SEMA3A: variants seen among roughly 807,000 people sequenced by gnomAD.
SEMA3A encodes semaphorin-3A.
SEMA3A carries 29 observed loss-of-function variants against 97.9 expected under a neutral mutation model. The observed-to-expected ratio is 0.30, with a 90% confidence interval of 0.22 to 0.40. SEMA3A has a LOEUF of 0.40. SEMA3A is among the 10% of genes least tolerant of loss of function. SEMA3A has a pLI of 1.00. For synonymous variants in SEMA3A, 321 were observed against 323.7 expected (o/e 0.99, Z 0.09); for missense variants, 763 against 951.3 (o/e 0.80, Z 2.60).
At chr7:84,049,238 T>C (rs1313332421) in intron 5 of SEMA3A, among the ~76,000 whole-genome samples, 2 of 152,062 alleles carry the variant, frequency 1.3e-5, no homozygotes, top group Admixed American at 6.6e-5. Context: ...GTTAGATGAT[T>C]TTATTGAACT....
intron 6 of SEMA3A, among the ~76,000 whole-genome samples, chr7:84,039,928 A>G (rs1792075125): frequency 6.6e-6 from 1 of 152,084 alleles, no homozygotes; most frequent in Admixed American, 6.6e-5. Context: ...TCATAAGTCA[A>G]CATTTCCCTC....
chr7:84,460,833 T>C (rs1380059112), intron 1 of SEMA3A, among the ~76,000 whole-genome samples: 1 of 152,192 alleles, frequency 6.6e-6, no homozygotes, highest in African/African-American at 2.4e-5. Flanking sequence ...GGGCTTCAGC[T>C]TCCTGGGTTC....
chr7:84,214,128 A>G (rs1798691710), intron 3 of SEMA3A, among the ~76,000 whole-genome samples: 1 of 152,232 alleles, frequency 6.6e-6, no homozygotes, highest in African/African-American at 2.4e-5. Flanking sequence ...ACATTGGACT[A>G]TGAATAGATA....
intron 3 of SEMA3A, among the ~76,000 whole-genome samples, chr7:84,283,224 C>A (rs1184741291): frequency 1.3e-5 from 2 of 151,976 alleles, no homozygotes; most frequent in Admixed American, 1.3e-4. Context: ...CAACATCATA[C>A]CATTCTAGAA....
intron 1 of SEMA3A, among the ~76,000 whole-genome samples, chr7:84,423,749 A>G (rs561068119): frequency 1.3e-5 from 2 of 152,148 alleles, no homozygotes; most frequent in African/African-American, 4.8e-5. Flanking sequence ...TTTGCCAACT[A>G]TACATCCAAC....
At chr7:84,378,688 C>T (rs1441512451) in intron 1 of SEMA3A, among the ~76,000 whole-genome samples, 2 of 151,790 alleles carry the variant, frequency 1.3e-5, no homozygotes, top group Non-Finnish European at 2.9e-5. Context: ...GCACATGTAT[C>T]CCAGAACTTA....
intron 2 of SEMA3A, among the ~76,000 whole-genome samples, chr7:84,339,691 T>C (rs181346413): frequency 2.2e-4 from 34 of 152,310 alleles, no homozygotes; most frequent in Non-Finnish European, 4.4e-4. Context: ...CAATTAACTA[T>C]AAGGGCAAAA....
At chr7:84,460,030 A>G (rs1287028181) in intron 1 of SEMA3A, among the ~76,000 whole-genome samples, 2 of 152,194 alleles carry the variant, frequency 1.3e-5, no homozygotes, top group Non-Finnish European at 2.9e-5. Context: ...TTGTCTCAAA[A>G]CAAGCAAACA....
intron 1 of SEMA3A, among the ~76,000 whole-genome samples, chr7:84,477,231 G>A (rs2116424477): frequency 6.6e-6 from 1 of 150,932 alleles, no homozygotes; most frequent in Admixed American, 6.6e-5. Context: ...AAGGTCAGGA[G>A]TTCAAGACCA....
intron 15 of SEMA3A, among the ~76,000 whole-genome samples, chr7:83,972,734 G>C (rs1209279509): frequency 6.6e-6 from 1 of 152,072 alleles, no homozygotes; most frequent in East Asian, 1.9e-4. Context: ...TAAATTGTAG[G>C]TGTATGAACA....
intron 3 of SEMA3A, among the ~76,000 whole-genome samples, chr7:84,209,594 A>T (rs879672315): frequency 6.6e-6 from 1 of 152,172 alleles, no homozygotes; most frequent in Non-Finnish European, 1.5e-5. Flanking sequence ...CTTCAAAACC[A>T]TAGTATAAAA....
intron 5 of SEMA3A, among the ~76,000 whole-genome samples, chr7:84,050,088 C>A (rs543083327): frequency 1.3e-4 from 19 of 151,410 alleles, no homozygotes; most frequent in South Asian, 4.2e-4. Flanking sequence ...TGTATATGTG[C>A]CACATTTTCT....
At chr7:84,379,676 C>T (rs187368201) in intron 1 of SEMA3A, among the ~76,000 whole-genome samples, 47 of 151,804 alleles carry the variant, frequency 3.1e-4, no homozygotes, top group African/African-American at 1.1e-3. Flanking sequence ...AATGACAAGA[C>T]TGAAGCTGGG....
intron 3 of SEMA3A, among the ~76,000 whole-genome samples, chr7:84,237,352 G>A (rs1433669185): frequency 1.3e-5 from 2 of 152,058 alleles, no homozygotes; most frequent in African/African-American, 4.8e-5. Flanking sequence ...GCCACTCATT[G>A]TCTTACTCAA....
At chr7:83,989,278 G>C (rs1250520583) in intron 12 of SEMA3A, among the ~76,000 whole-genome samples, 1 of 151,976 alleles carries the variant, frequency 6.6e-6, no homozygotes, top group African/African-American at 2.4e-5. Context: ...TACATTTCAT[G>C]TTCCTTAATA....
intron 1 of SEMA3A, among the ~76,000 whole-genome samples, chr7:84,418,978 T>C (rs1347274083): frequency 6.6e-6 from 1 of 152,036 alleles, no homozygotes; most frequent in Non-Finnish European, 1.5e-5. Flanking sequence ...TACATATATA[T>C]ACATACATAC....
In SEMA3A at chr7:84,001,998, T is replaced by A; in HGVS notation, c.1409A>T (p.Tyr470Phe). ...TTCCAGCAGAACCTCTTCTAAATCA[T>A]ACCAAGTCTCCTTAGGAATTGAAAC... ...KVVSIPKETW[Y>F]DLEEVLLEEM... The change falls in exon 12 of 17, where the codon TAT becomes TTT. Residue 470 changes from tyrosine (Y) to phenylalanine (F), a missense_variant. Coordinates refer to ENST00000265362, the MANE Select transcript of SEMA3A (RefSeq NM_006080.3). 1 of 1,612,894 alleles carries A rather than the reference T, an allele frequency of 6.2e-7. No homozygotes were observed. The highest frequency in any genetic ancestry group is 8.5e-7 in the Non-Finnish European group (1 of 1,179,330).
chr7:84,397,576 C>T (rs992562129), intron 1 of SEMA3A, among the ~76,000 whole-genome samples: 2 of 150,984 alleles, frequency 1.3e-5, no homozygotes, highest in Non-Finnish European at 1.5e-5. Flanking sequence ...CTTTTAAGCT[C>T]AGAAGTACAA....
At chr7:84,299,856 C>T (rs1375816320) in intron 3 of SEMA3A, among the ~76,000 whole-genome samples, 6 of 2,516 alleles carry the variant, frequency 2.4e-3, no homozygotes, top group Non-Finnish European at 3.9e-3. Context: ...GTGGTGAAAC[C>T]TCGTCTCTAC....
Sources: gnomAD v4.1 joint callset for allele counts (sites outside exome capture counted in the v4.1 genomes callset) on GRCh38, gnomAD v4.1.1 for gene constraint, MANE v1.5 for transcripts, NCBI Gene and HGNC (gene_info 2026-07-23, HGNC 2026-07-21) for gene names.